KIF13A: variants seen among roughly 807,000 people sequenced by gnomAD.
The protein encoded by KIF13A is kinesin-like protein KIF13A.
Under a neutral mutation model 212.2 loss-of-function variants are expected in KIF13A, and 79 were observed. The ratio of observed to expected loss-of-function variants is 0.37; its 90% CI spans 0.31 to 0.45. The LOEUF is 0.45. KIF13A is among the 20% of genes least tolerant of loss of function. The pLI is 1.00. For synonymous variants in KIF13A, 789 were observed against 808.6 expected (o/e 0.98, Z 0.41); for missense variants, 1,901 against 2,209.0 (o/e 0.86, Z 2.79).
intron 9 of KIF13A, among the ~76,000 whole-genome samples, chr6:17,840,275 C>G (rs1766383984): frequency 6.6e-6 from 1 of 152,110 alleles, no homozygotes; most frequent in Admixed American, 6.5e-5. Flanking sequence ...TGTCCAATCA[C>G]TCCTCCAAAG....
Position 17,775,017 on chromosome 6 carries a change from T to C in KIF13A, c.4216A>G (p.Lys1406Glu). ...TAGCCATGCCCATAGGTGCATACCTTGTCATCTTCATCAAAGCCAGAAAGG... is the reference window on the plus strand; with the variant it reads ...TAGCCATGCCCATAGGTGCATACCTCGTCATCTTCATCAAAGCCAGAAAGG... ...PDLSGFDEDDKGWPENQLDMS... is the reference protein window; with the variant it reads ...PDLSGFDEDDEGWPENQLDMS... Residue 1406 changes from lysine to glutamate, a missense_variant and splice_region_variant, in exon 35 of 39, where the codon AAG (lysine) becomes GAG (glutamate). This residue lies in a region of KIF13A where 687 missense variants were observed against 759.1 expected (regional missense o/e 0.90). Coordinates refer to ENST00000259711, the MANE Select transcript of KIF13A (RefSeq NM_022113.6). The C allele has an allele frequency of 6.2e-7, 1 of 1,610,970 alleles. No homozygotes were observed. Among genetic ancestry groups the C allele is most frequent in the Non-Finnish European group, 8.5e-7 (1 of 1,178,362 alleles).
Position 17,828,230 on chromosome 6 carries a change from C to T in KIF13A, c.1532+10G>A, listed in dbSNP as rs926211148. 1.9e-6 allele frequency: 3 copies of T among 1,608,740 alleles called. No individual in the cohort carries two copies. The highest frequency in any genetic ancestry group is 2.2e-5 in the East Asian group (1 of 44,794). The stretch of plus-strand genomic sequence containing the variant: ...ACAAGACACGTGAAGTCACCATTTA[C>T]TTTTCTTACCTTGCATTTTCTTTTG... On this transcript the variant is annotated intron_variant, in intron 14 of 38. Transcript: ENST00000259711. The surrounding 1 kb of genome is among the most constrained non-coding windows in gnomAD (Gnocchi z 4.3).
intron 33 of KIF13A, 45 bp downstream of exon 33, chr6:17,778,902 G>A: frequency 1.9e-6 from 3 of 1,548,674 alleles, no homozygotes; most frequent in Non-Finnish European, 2.6e-6. Context: ...CATTGGGGGT[G>A]AAGGCTGGTG....
chr6:17,962,586 G>A (rs554604277), intron 2 of KIF13A, among the ~76,000 whole-genome samples: 4 of 152,182 alleles, frequency 2.6e-5, no homozygotes, highest in East Asian at 1.9e-4. Context: ...CATCTGTACC[G>A]GCCCTGCCCT....
chr6:17,855,528 A>C lies in KIF13A; in HGVS notation c.403T>G (p.Leu135Val), dbSNP rs758751233. Residue 135 changes from leucine to valine, a missense_variant, in exon 6 of 39, where the codon TTG (leucine) becomes GTG (valine). Physicochemically the swap from Leu to Val is conservative, Grantham distance 32 (BLOSUM62 1). This residue lies in a region of KIF13A where 506 missense variants were observed against 637.4 expected (regional missense o/e 0.79). Transcript: ENST00000259711. The surrounding 1 kb of genome is among the most constrained non-coding windows in gnomAD (Gnocchi z 4.1). ...LCCALFKRISLEQNESQTFKV... is the reference protein window; with the variant it reads ...LCCALFKRISVEQNESQTFKV... ...AAGGTCTGTGACTCATTTTGCTCCAAAGAGATCCTTTTAAATAAAGCACAG... is the reference window on the plus strand; with the variant it reads ...AAGGTCTGTGACTCATTTTGCTCCACAGAGATCCTTTTAAATAAAGCACAG... 10 of 1,613,734 alleles carry C rather than the reference A, an allele frequency of 6.2e-6. No homozygotes were observed. In the South Asian group the frequency reaches 9.9e-5, roughly 16 times the overall value.
intron 23 of KIF13A, 105 bp downstream of exon 23, chr6:17,796,562 ATG>A: frequency 1.4e-6 from 1 of 710,030 alleles, no homozygotes. Context: ...TTTTTTTTAA[ATG>A]ATTTTATTTT....
chr6:17,891,186 C>T (rs1480788549), intron 3 of KIF13A, among the ~76,000 whole-genome samples: 3 of 152,188 alleles, frequency 2.0e-5, no homozygotes, highest in African/African-American at 7.2e-5. Flanking sequence ...ATAAATACTA[C>T]ATCATAATAC....
intron 3 of KIF13A, among the ~76,000 whole-genome samples, chr6:17,882,985 C>T (rs1384213404): frequency 6.6e-6 from 1 of 152,148 alleles, no homozygotes; most frequent in Non-Finnish European, 1.5e-5. Flanking sequence ...CTTTGTTCTG[C>T]TACAATATTA....
At chr6:17,916,452 T>C (rs1293798861) in intron 2 of KIF13A, among the ~76,000 whole-genome samples, 1 of 152,200 alleles carries the variant, frequency 6.6e-6, no homozygotes, top group Admixed American at 6.5e-5. Flanking sequence ...ATGGCTAAAA[T>C]AAGGTTGCAA....
At chr6:17,983,579 A>G (rs934267787) in intron 2 of KIF13A, among the ~76,000 whole-genome samples, 11 of 146,710 alleles carry the variant, frequency 7.5e-5, no homozygotes, top group Admixed American at 6.3e-4. Flanking sequence ...GGCAACCTCC[A>G]TCGCCAAGGC....
intron 13 of KIF13A, among the ~76,000 whole-genome samples, chr6:17,830,508 G>C (rs891220996): frequency 6.6e-6 from 1 of 152,132 alleles, no homozygotes; most frequent in Non-Finnish European, 1.5e-5. Context: ...TTTGAGAAAT[G>C]CTACAGTAAG....
Position 17,837,683 on chromosome 6 carries a change from G to T in KIF13A, c.831-100C>A. 1.2e-6 allele frequency: 1 copy of T among 821,412 alleles called. No homozygotes were observed. The highest frequency in any genetic ancestry group is 2.0e-6 in the Non-Finnish European group (1 of 512,282). 50.9% of individuals were successfully genotyped at this position (821,412 alleles called of 1,614,324 possible). The stretch of plus-strand genomic sequence containing the variant: ...AGCTCCACAGTTAATACACGTTGGT[G>T]GCTCACGCCCGTAATCCCAGCACTT... On this transcript the variant is annotated intron_variant, in intron 9 of 38. Transcript: ENST00000259711. The surrounding 1 kb of genome is among the most constrained non-coding windows in gnomAD (Gnocchi z 5.4).
rs1467550373 is a variant in KIF13A at position 17,873,408 on chromosome 6, G to C, written c.189C>G (p.Ser63=). 1.3e-6 allele frequency: 2 copies of C among 1,593,770 alleles called. No homozygotes were observed. Among genetic ancestry groups the C allele is most frequent in the African/African-American group, 1.3e-5 (1 of 74,506 alleles). Residue 63 remains serine (S), a synonymous_variant, in exon 4 of 39, where the codon TCC becomes TCG. Transcript: ENST00000259711. ...ATTTTGTAGTGTTAGATTCATCCAT[G>C]GACCAAAAGCAATAATCAAAGGCAA... is the stretch of plus-strand genomic sequence containing the variant. The part of the protein sequence containing the change: ...KVFAFDYCFW[S]MDESNTTKYA...
rs1388605827 is a variant in KIF13A, at chr6:17,764,052, T to C, written c.*58A>G. 1.9e-6 allele frequency: 3 copies of C among 1,555,416 alleles called. No individual in the cohort carries two copies. The highest frequency in any genetic ancestry group is 2.6e-6 in the Non-Finnish European group (3 of 1,150,624). ...GCTGTCACAAACAACTGGATGAATC[T>C]TTCCTACCAAGTTGTTGCGGTGAAG... On this transcript the variant is annotated 3_prime_UTR_variant, in exon 39 of 39. Transcript: ENST00000259711. This position sits in a 1 kb window ranked among gnomAD's most constrained non-coding sequence, Gnocchi z 5.1.
rs1758770970 is a variant in KIF13A at position 17,764,525 on chromosome 6, G to A, written c.5003C>T (p.Pro1668Leu). ...GGCTAAGGCACTGTTTTCCTTGAGT[G>A]GCACCACAATTATCTTGTCCTTTAC... The part of the protein sequence containing the change: ...GLVKDKIIVV[P>L]LKENSALAKG... The change falls in exon 39 of 39, where the codon CCA becomes CTA. Residue 1668 changes from proline to leucine, a missense_variant. Pro to Leu is a moderately conservative substitution (Grantham distance 98). Transcript: ENST00000259711. This position sits in a 1 kb window ranked among gnomAD's most constrained non-coding sequence, Gnocchi z 5.1. 1 of 1,613,926 alleles carries A rather than the reference G, an allele frequency of 6.2e-7. No homozygotes were observed. The highest frequency in any genetic ancestry group is 8.5e-7 in the Non-Finnish European group (1 of 1,179,862).
At chr6:17,791,026 A>G (rs1474157277) in intron 25 of KIF13A, among the ~76,000 whole-genome samples, 2 of 152,186 alleles carry the variant, frequency 1.3e-5, no homozygotes, top group Non-Finnish European at 2.9e-5. Context: ...AGAACCTAGA[A>G]TCCCTTAATT....
At chr6:17,976,306 G>A (rs945178575) in intron 2 of KIF13A, among the ~76,000 whole-genome samples, 4 of 152,220 alleles carry the variant, frequency 2.6e-5, no homozygotes, top group African/African-American at 7.2e-5. Context: ...CAGGCATGGC[G>A]GGCTGCAGGT....
At chr6:17,814,077 C>T (rs1361619143) in intron 17 of KIF13A, among the ~76,000 whole-genome samples, 7 of 151,016 alleles carry the variant, frequency 4.6e-5, no homozygotes, top group African/African-American at 9.8e-5. Flanking sequence ...CTCAGTCCCC[C>T]GAGTAGCTGG....
Position 17,859,857 on chromosome 6 carries a change from G to A in KIF13A, c.221-3735C>T, listed in dbSNP as rs142383571. On this transcript the variant is annotated intron_variant, in intron 4 of 38. Transcript: ENST00000259711. ...TCACCATATTGGCCAGGCTGGTCTC[G>A]AACTCCTGACCTCGTGATCCACCCG... 1.4e-3 allele frequency among the ~76,000 whole-genome samples: 212 copies of A among 151,686 alleles called. 1 individual carries two copies. In the East Asian group the frequency reaches 0.029, roughly 21 times the overall value.
Sources: allele counts gnomAD v4.1 joint callset (sites outside exome capture counted in the v4.1 genomes callset), GRCh38; gene constraint gnomAD v4.1.1; regional missense constraint gnomAD v4.1.1; non-coding constraint Gnocchi (gnomAD v3.1); transcripts MANE v1.5; gene names NCBI Gene and HGNC (gene_info 2026-07-23, HGNC 2026-07-21).